Variants in RYR3 observed in about 807,000 individuals in gnomAD.
The protein encoded by RYR3 is brain ryanodine receptor-calcium release channel.
In RYR3, 207 loss-of-function variants were observed where a neutral mutation model predicts 584.3. The ratio of observed to expected loss-of-function variants is 0.35; its 90% CI spans 0.32 to 0.40. The LOEUF (loss-of-function observed/expected upper bound fraction) is 0.40, where lower values mean the gene tolerates loss of function less well. Among genes scored for constraint, RYR3 ranks in the 10% least tolerant of loss-of-function variants. RYR3 has a pLI of 1.00. For missense variants in RYR3, 5,616 were observed against 6,089.2 expected (o/e 0.92, Z 2.59); for synonymous variants, 2,416 against 2,248.5 (o/e 1.07, Z -2.11).
At chr15:33,755,464 C>T (rs1170748505) in intron 58 of RYR3, among the ~76,000 whole-genome samples, 5 of 151,710 alleles carry the variant, frequency 3.3e-5, no homozygotes, top group African/African-American at 1.2e-4. Context: ...GCTAAAAATA[C>T]AAAAAAAATT....
chr15:33,544,307 A>T (rs1392585272), intron 8 of RYR3, among the ~76,000 whole-genome samples: 1 of 152,168 alleles, frequency 6.6e-6, no homozygotes, highest in Admixed American at 6.5e-5. Flanking sequence ...AACAGAACAT[A>T]AAAAGCTTGG....
rs774050928 is a variant in RYR3 at position 33,473,504 on chromosome 15, G to A, written c.137G>A (p.Arg46His). Reference sequence around the variant, plus strand: ...CTGGCAGCCGAGGGACTTGGGAATCGCCTGTGCTTCTTGGAACCCACTTCA... The same window carrying A: ...CTGGCAGCCGAGGGACTTGGGAATCACCTGTGCTTCTTGGAACCCACTTCA... Reference protein sequence around the residue: ...FCLAAEGLGNRLCFLEPTSEA... With the variant: ...FCLAAEGLGNHLCFLEPTSEA... The change falls in exon 2 of 104, where the codon CGC becomes CAC. Residue 46 changes from arginine to histidine, a missense_variant. Physicochemically the swap from Arg to His is conservative, Grantham distance 29. Around this residue, in one of 9 missense-constraint regions of RYR3, gnomAD observed 1,284 missense variants for 1,344.6 expected, o/e 0.95. Coordinates refer to ENST00000634891, the MANE Select transcript of RYR3 (RefSeq NM_001036.6). The A allele has an allele frequency of 6.2e-6, 10 of 1,613,860 alleles. No homozygotes were observed. Among genetic ancestry groups the A allele is most frequent in the Admixed American group, 5.0e-5 (3 of 60,000 alleles).
chr15:33,618,847 A>AT (rs2060580043), intron 19 of RYR3, among the ~76,000 whole-genome samples: 1 of 152,072 alleles, frequency 6.6e-6, no homozygotes, highest in African/African-American at 2.4e-5. Context: ...TTTTTACTAT[A>AT]TTTTTTTCTT....
At chr15:33,663,033 A>T in intron 35 of RYR3, 85 bp downstream of exon 35, 1 of 1,276,118 alleles carries the variant, frequency 7.8e-7, no homozygotes, top group Non-Finnish European at 1.1e-6. Flanking sequence ...GGATTAAAGG[A>T]GGTAAGGTAT....
intron 1 of RYR3, among the ~76,000 whole-genome samples, chr15:33,436,142 T>C (rs1466382607): frequency 1.3e-5 from 2 of 152,194 alleles, no homozygotes; most frequent in African/African-American, 4.8e-5. Context: ...TAGCAAGTTA[T>C]ATTTCAAGGT....
At chr15:33,653,377 A>G (rs1297282086) in intron 32 of RYR3, among the ~76,000 whole-genome samples, 1 of 152,212 alleles carries the variant, frequency 6.6e-6, no homozygotes, top group African/African-American at 2.4e-5. Flanking sequence ...GATGCTTTAA[A>G]AATACATTTA....
intron 38 of RYR3, 85 bp from the exon 39 acceptor site, chr15:33,696,132 CT>C: frequency 7.6e-7 from 1 of 1,308,834 alleles, no homozygotes. Context: ...AATGATGTGT[CT>C]TCTATTTGCA....
At chr15:33,841,841 G>A (rs1328428909) in intron 90 of RYR3, 23 bp from the exon 91 acceptor site, 1 of 1,579,814 alleles carries the variant, frequency 6.3e-7, no homozygotes, top group Non-Finnish European at 8.6e-7. Context: ...CTGCCCTGCT[G>A]AGTGGGTTTC....
At chr15:33,595,281 A>G (rs1232244191) in intron 16 of RYR3, among the ~76,000 whole-genome samples, 1 of 152,232 alleles carries the variant, frequency 6.6e-6, no homozygotes, top group African/African-American at 2.4e-5. Context: ...TAGAAACAGC[A>G]TGAAGTCAAT....
intron 48 of RYR3, 99 bp downstream of exon 48, chr15:33,731,793 T>G: frequency 1.2e-6 from 1 of 825,688 alleles, no homozygotes; most frequent in East Asian, 2.7e-5. Context: ...TAAGGAAGCT[T>G]CCAGGCCATT....
At position 33,825,660 on chromosome 15, in the gene RYR3, G is replaced by T. The variant is rs566123529; in HGVS notation, c.11130G>T (p.Val3710=). The T allele has an allele frequency of 6.2e-7, 1 of 1,602,234 alleles. No homozygotes were observed. Among genetic ancestry groups the T allele is most frequent in the African/African-American group, 1.3e-5 (1 of 74,446 alleles). The change falls in exon 82 of 104, where the codon GTG becomes GTT. Residue 3710 remains valine (V), a synonymous_variant. Transcript: ENST00000634891. ...RQNKAEGLGM[V]TEEGTLIVRE... ...ATAAAGCTGAAGGCCTGGGGATGGTGACTGAAGAAGGAACACGTAAGTAAC... is the reference window on the plus strand; with the variant it reads ...ATAAAGCTGAAGGCCTGGGGATGGTTACTGAAGAAGGAACACGTAAGTAAC...
chr15:33,344,680 G>A (rs1972228339), intron 1 of RYR3, among the ~76,000 whole-genome samples: 1 of 152,034 alleles, frequency 6.6e-6, no homozygotes, highest in Non-Finnish European at 1.5e-5. Context: ...AACCCCTGAT[G>A]AGTATAATAA....
chr15:33,333,999 A>G (rs74989098), intron 1 of RYR3, among the ~76,000 whole-genome samples: 3,882 of 152,340 alleles, frequency 0.025, 74 homozygotes, highest in Non-Finnish European at 0.038. Flanking sequence ...CTCTGCAAGG[A>G]AAACTACAAC....
At chr15:33,858,598 C>T (rs2153010521) in intron 99 of RYR3, 1 of 152,660 alleles carries the variant, frequency 6.6e-6, no homozygotes, top group East Asian at 1.9e-4. Flanking sequence ...AGCAAAGTCC[C>T]ATGGACCGGG....
chr15:33,312,520 C>G (rs559585294), intron 1 of RYR3, among the ~76,000 whole-genome samples: 1 of 152,286 alleles, frequency 6.6e-6, no homozygotes, highest in East Asian at 1.9e-4. Context: ...ACAGTTGCAA[C>G]TCATGACAAC....
At chr15:33,732,756 G>A (rs545935727) in intron 48 of RYR3, among the ~76,000 whole-genome samples, 1 of 152,310 alleles carries the variant, frequency 6.6e-6, no homozygotes, top group Non-Finnish European at 1.5e-5. Context: ...AGTCAAAACT[G>A]TTAGGGATGG....
At chr15:33,646,285 GA>G in intron 28 of RYR3, 65 bp from the exon 29 acceptor site, 4 of 1,432,156 alleles carry the variant, frequency 2.8e-6, no homozygotes, top group South Asian at 1.4e-5. Context: ...GTCCACGAGG[GA>G]AAAAGGGACT....
chr15:33,743,577 C>A (rs74005982), intron 52 of RYR3, among the ~76,000 whole-genome samples: 1 of 152,178 alleles, frequency 6.6e-6, no homozygotes, highest in Non-Finnish European at 1.5e-5. Context: ...CTGAGAACTC[C>A]TTGCTTATGG....
At chr15:33,630,521 CT>C (rs1343829055) in intron 22 of RYR3, among the ~76,000 whole-genome samples, 7 of 152,158 alleles carry the variant, frequency 4.6e-5, no homozygotes, top group African/African-American at 1.7e-4. Context: ...GTTCTCTTGT[CT>C]TTGTATTTCC....
Sources: gnomAD v4.1 joint callset for allele counts (sites outside exome capture counted in the v4.1 genomes callset) on GRCh38, gnomAD v4.1.1 for gene constraint, gnomAD v4.1.1 regional missense constraint, MANE v1.5 for transcripts, NCBI Gene and HGNC (gene_info 2026-07-23, HGNC 2026-07-21) for gene names.